RAP1GDS1: variants seen among roughly 807,000 people sequenced by gnomAD.
The protein encoded by RAP1GDS1 is RAP1, GTP-GDP dissociation stimulator 1.
Under a neutral mutation model 71.1 loss-of-function variants are expected in RAP1GDS1, and 35 were observed. The observed-to-expected ratio is 0.49, with a 90% confidence interval of 0.38 to 0.65. The LOEUF (loss-of-function observed/expected upper bound fraction) is 0.65, where lower values mean the gene tolerates loss of function less well. RAP1GDS1 is among the 30% of genes least tolerant of loss of function. The pLI is 0.00. For missense variants in RAP1GDS1, 663 were observed against 706.1 expected, an observed-to-expected ratio of 0.94 and a Z score of 0.69; for synonymous variants, 229 against 243.1, an observed-to-expected ratio of 0.94 and a Z score of 0.54.
chr4:98,410,836 A>C (rs1202328170), intron 7 of RAP1GDS1, among the ~76,000 whole-genome samples: 1 of 152,218 alleles, frequency 6.6e-6, no homozygotes, highest in Non-Finnish European at 1.5e-5. Context: ...TACTTGGTAA[A>C]ATGATGAAAG....
At chr4:98,284,737 A>C (rs1009428637) in intron 1 of RAP1GDS1, among the ~76,000 whole-genome samples, 1 of 152,162 alleles carries the variant, frequency 6.6e-6, no homozygotes, top group Admixed American at 6.6e-5. Flanking sequence ...TGATTGTTGG[A>C]ATACCAGCCT....
intron 2 of RAP1GDS1, among the ~76,000 whole-genome samples, chr4:98,320,012 A>G (rs1338054983): frequency 6.6e-6 from 1 of 152,100 alleles, no homozygotes; most frequent in Non-Finnish European, 1.5e-5. Context: ...ATGATGATCC[A>G]CTTCCACTTA....
At chr4:98,261,622 G>T (rs1441962426) in intron 1 of RAP1GDS1, 53 bp downstream of exon 1, 3 of 1,565,938 alleles carry the variant, frequency 1.9e-6, no homozygotes, top group Non-Finnish European at 2.6e-6. Flanking sequence ...CTTTCTCGGC[G>T]TGCTGCAGGG....
intron 2 of RAP1GDS1, among the ~76,000 whole-genome samples, chr4:98,314,788 C>T (rs758716525): frequency 2.1e-4 from 32 of 152,074 alleles, no homozygotes; most frequent in Non-Finnish European, 4.1e-4. Context: ...GATATGGATT[C>T]AACTCACATT....
intron 2 of RAP1GDS1, among the ~76,000 whole-genome samples, chr4:98,319,529 C>T (rs1731458361): frequency 1.3e-5 from 2 of 151,940 alleles, no homozygotes; most frequent in African/African-American, 4.8e-5. Context: ...ACCTGTAATC[C>T]CAGCACTTTG....
chr4:98,429,984 G>T (rs1207836992), intron 12 of RAP1GDS1, among the ~76,000 whole-genome samples: 1 of 151,992 alleles, frequency 6.6e-6, no homozygotes, highest in African/African-American at 2.4e-5. Flanking sequence ...AGAAACATCT[G>T]AATTTAGGAG....
intron 3 of RAP1GDS1, among the ~76,000 whole-genome samples, chr4:98,344,390 T>C (rs1256687051): frequency 2.0e-5 from 3 of 152,238 alleles, no homozygotes; most frequent in Non-Finnish European, 2.9e-5. Flanking sequence ...TTTTTAACTT[T>C]GTTAGAGTCA....
At chr4:98,312,942 G>A (rs762198943) in intron 2 of RAP1GDS1, among the ~76,000 whole-genome samples, 25 of 151,420 alleles carry the variant, frequency 1.7e-4, no homozygotes, top group Non-Finnish European at 1.9e-4. Context: ...GGTGGCAGGC[G>A]CCTGTAGTCC....
At chr4:98,386,220 G>A (rs1209263158) in intron 5 of RAP1GDS1, among the ~76,000 whole-genome samples, 1 of 151,680 alleles carries the variant, frequency 6.6e-6, no homozygotes, top group African/African-American at 2.4e-5. Context: ...TAAATATGGG[G>A]AAAAATTATC....
chr4:98,310,409 A>G (rs2110318163), intron 2 of RAP1GDS1, among the ~76,000 whole-genome samples: 1 of 152,316 alleles, frequency 6.6e-6, no homozygotes. Flanking sequence ...GTGGGACTAC[A>G]TATTTACTGA....
At chr4:98,288,615 C>T (rs567198204) in intron 1 of RAP1GDS1, among the ~76,000 whole-genome samples, 1 of 152,166 alleles carries the variant, frequency 6.6e-6, no homozygotes, top group African/African-American at 2.4e-5. Context: ...ACACTGACTT[C>T]CACAATGGTT....
At chr4:98,347,298 T>G (rs1159758042) in intron 3 of RAP1GDS1, among the ~76,000 whole-genome samples, 1 of 152,072 alleles carries the variant, frequency 6.6e-6, no homozygotes, top group East Asian at 1.9e-4. Flanking sequence ...TCAAGTAGGT[T>G]TGAGAAAGTA....
At chr4:98,281,824 G>C (rs1296715988) in intron 1 of RAP1GDS1, among the ~76,000 whole-genome samples, 1 of 152,184 alleles carries the variant, frequency 6.6e-6, no homozygotes, top group Non-Finnish European at 1.5e-5. Flanking sequence ...ATGAAGGGCT[G>C]TTGAATTTTG....
intron 3 of RAP1GDS1, among the ~76,000 whole-genome samples, chr4:98,344,765 C>T (rs1325645363): frequency 6.6e-6 from 1 of 152,084 alleles, no homozygotes; most frequent in Non-Finnish European, 1.5e-5. Context: ...ACTCCATGAC[C>T]ACATTACTTT....
At chr4:98,366,298 C>T (rs1739477191) in intron 4 of RAP1GDS1, among the ~76,000 whole-genome samples, 1 of 152,094 alleles carries the variant, frequency 6.6e-6, no homozygotes, top group Non-Finnish European at 1.5e-5. Context: ...TGCTGCCATC[C>T]ATTGAAGACA....
At position 98,306,181 on chromosome 4, in the gene RAP1GDS1, C is replaced by T. The variant is rs182058031; in HGVS notation, c.112+12666C>T. On this transcript the variant is annotated intron_variant, in intron 2 of 14. Transcript: ENST00000408927. ...CGTATAAGCAGTAACCCAATGTGTC[C>T]ATCCATTTGTGCTGTTATAACAGAA... 2.4e-3 allele frequency among the ~76,000 whole-genome samples: 365 copies of T among 152,192 alleles called. 1 individual carries two copies. Among genetic ancestry groups the T allele is most frequent in the Non-Finnish European group, 4.5e-3 (309 of 68,016 alleles).
At chr4:98,327,277 T>C (rs1326541672) in intron 2 of RAP1GDS1, among the ~76,000 whole-genome samples, 1 of 152,164 alleles carries the variant, frequency 6.6e-6, no homozygotes, top group Non-Finnish European at 1.5e-5. Flanking sequence ...CATGATAAAC[T>C]ATGCATGTTT....
chr4:98,390,813 A>T (rs759238592), intron 5 of RAP1GDS1, among the ~76,000 whole-genome samples: 13 of 152,184 alleles, frequency 8.5e-5, no homozygotes, highest in Non-Finnish European at 1.8e-4. Flanking sequence ...TTTTTGTAAG[A>T]AAGTTTTGTC....
chr4:98,326,001 T>C (rs965402991), intron 2 of RAP1GDS1, among the ~76,000 whole-genome samples: 1 of 152,240 alleles, frequency 6.6e-6, no homozygotes, highest in Admixed American at 6.5e-5. Flanking sequence ...GGTTCTTTAT[T>C]AGTACTCCTG....
Sources: allele counts gnomAD v4.1 joint callset (sites outside exome capture counted in the v4.1 genomes callset), GRCh38; gene constraint gnomAD v4.1.1; transcripts MANE v1.5; gene names NCBI Gene and HGNC (gene_info 2026-07-23, HGNC 2026-07-21).